Variants in MMP26 observed in about 807,000 individuals in gnomAD.
The protein encoded by MMP26 is matrix metalloproteinase-26.
MMP26 carries 33 observed loss-of-function variants against 31.0 expected under a neutral mutation model. The ratio of observed to expected loss-of-function variants is 1.06; its 90% CI spans 0.81 to 1.42. The LOEUF is 1.42. MMP26 is among the 40% of genes most tolerant of loss of function. MMP26 has a pLI of 0.00. For missense variants in MMP26, 347 were observed against 316.1 expected (o/e 1.10, Z -0.74); for synonymous variants, 122 against 114.9 (o/e 1.06, Z -0.40).
chr11:4,802,879 C>T (rs1849202327), intron 2 of MMP26, among the ~76,000 whole-genome samples: 1 of 152,092 alleles, frequency 6.6e-6, no homozygotes, highest in South Asian at 2.1e-4. Context: ...AGTTAAATGG[C>T]ACCTGATATT....
intron 2 of MMP26, among the ~76,000 whole-genome samples, chr11:4,852,409 T>G (rs535058350): frequency 2.1e-4 from 32 of 152,142 alleles, no homozygotes; most frequent in Non-Finnish European, 3.7e-4. Flanking sequence ...CAAGCACATA[T>G]AGAATTTTCT....
intron 2 of MMP26, among the ~76,000 whole-genome samples, chr11:4,810,313 T>A (rs61880858): frequency 0.41 from 62,910 of 151,888 alleles, 14,324 homozygotes; most frequent in South Asian, 0.57. Flanking sequence ...GATATGTAAG[T>A]CGAGTCGATG....
intron 1 of MMP26, among the ~76,000 whole-genome samples, chr11:4,749,615 A>G (rs1186660975): frequency 6.6e-6 from 1 of 152,146 alleles, no homozygotes. Flanking sequence ...GAACCCAGAA[A>G]TAAAGCCACA....
intron 2 of MMP26, among the ~76,000 whole-genome samples, chr11:4,898,680 T>C (rs1850748910): frequency 6.6e-6 from 1 of 152,176 alleles, no homozygotes; most frequent in African/African-American, 2.4e-5. Context: ...CTCAAAAGTG[T>C]CCATAGGTAT....
intron 2 of MMP26, among the ~76,000 whole-genome samples, chr11:4,874,604 G>T (rs919781253): frequency 2.7e-5 from 4 of 147,488 alleles, no homozygotes; most frequent in African/African-American, 1.0e-4. Flanking sequence ...TTAACTGGGA[G>T]ACCCTTTCTG....
chr11:4,963,352 A>G (rs1846546919), intron 2 of MMP26, among the ~76,000 whole-genome samples: 1 of 152,216 alleles, frequency 6.6e-6, no homozygotes, highest in South Asian at 2.1e-4. Context: ...TCAAGCTACC[A>G]TTGACTTTCT....
chr11:4,898,968 T>C (rs1234979180), intron 2 of MMP26, among the ~76,000 whole-genome samples: 1 of 151,908 alleles, frequency 6.6e-6, no homozygotes, highest in Non-Finnish European at 1.5e-5. Flanking sequence ...TTGAGGCCTC[T>C]GTCAGTGCTA....
chr11:4,754,331 A>G (rs925832604), intron 1 of MMP26, among the ~76,000 whole-genome samples: 13 of 151,940 alleles, frequency 8.6e-5, no homozygotes, highest in Non-Finnish European at 1.5e-4. Context: ...AATGTGGGAC[A>G]GATATCTATA....
chr11:4,848,384 G>A (rs1327838310), intron 2 of MMP26: 1 of 1,613,972 alleles, frequency 6.2e-7, no homozygotes, highest in Non-Finnish European at 8.5e-7. Flanking sequence ...TATGCTGAGT[G>A]ATTGGCAGCT....
At chr11:4,816,267 A>G (rs937066746) in intron 2 of MMP26, among the ~76,000 whole-genome samples, 2 of 152,100 alleles carry the variant, frequency 1.3e-5, no homozygotes, top group African/African-American at 4.8e-5. Flanking sequence ...ATTAGTTAAG[A>G]CTCGTTCTGT....
intron 2 of MMP26, among the ~76,000 whole-genome samples, chr11:4,795,693 C>T (rs1233845212): frequency 1.3e-5 from 2 of 152,096 alleles, no homozygotes; most frequent in Admixed American, 1.3e-4. Flanking sequence ...ACATAAAAGT[C>T]AATTACATCT....
At chr11:4,971,999 G>T (rs544132964) in intron 2 of MMP26, among the ~76,000 whole-genome samples, 5 of 152,176 alleles carry the variant, frequency 3.3e-5, no homozygotes, top group Non-Finnish European at 7.4e-5. Flanking sequence ...TCCACACTAG[G>T]CCCCATCTCC....
At chr11:4,840,466 T>TG (rs1461123067) in intron 2 of MMP26, among the ~76,000 whole-genome samples, 14 of 152,230 alleles carry the variant, frequency 9.2e-5, no homozygotes, top group African/African-American at 3.4e-4. Context: ...TAGATTCATG[T>TG]GGCTCAGAAC....
chr11:4,920,605 T>C (rs1350449402), intron 2 of MMP26, among the ~76,000 whole-genome samples: 2 of 152,142 alleles, frequency 1.3e-5, no homozygotes, highest in Non-Finnish European at 2.9e-5. Flanking sequence ...ATCATATAAT[T>C]AAATGCAAAG....
intron 2 of MMP26, among the ~76,000 whole-genome samples, chr11:4,961,876 A>G (rs1333808132): frequency 2.0e-5 from 3 of 152,204 alleles, no homozygotes; most frequent in African/African-American, 4.8e-5. Context: ...GCAGTAATCA[A>G]TGAAAAACAG....
At chr11:4,714,452 A>T (rs2133268382) in intron 1 of MMP26, among the ~76,000 whole-genome samples, 1 of 152,266 alleles carries the variant, frequency 6.6e-6, no homozygotes, top group South Asian at 2.1e-4. Flanking sequence ...CGTCACACAC[A>T]CTGCCACTGC....
At chr11:4,981,800 T>TTATAGTATAAAAGTATAA (rs1846817104) in intron 2 of MMP26, among the ~76,000 whole-genome samples, 1 of 151,964 alleles carries the variant, frequency 6.6e-6, no homozygotes, top group Non-Finnish European at 1.5e-5. Flanking sequence ...TTCTATAAGC[T>TTATAGTATAAAAGTATAA]TTTTATACTT....
chr11:4,724,874 A>G (rs1848074880), intron 1 of MMP26, among the ~76,000 whole-genome samples: 1 of 152,252 alleles, frequency 6.6e-6, no homozygotes, highest in Admixed American at 6.5e-5. Context: ...TAAAGAATTA[A>G]AAAAGTTATT....
chr11:4,855,768 T>A (rs1269367281), intron 2 of MMP26, among the ~76,000 whole-genome samples: 1 of 152,110 alleles, frequency 6.6e-6, no homozygotes, highest in Admixed American at 6.5e-5. Flanking sequence ...GACACATAAC[T>A]GTCAGATTCA....
Sources: allele counts gnomAD v4.1 joint callset (sites outside exome capture counted in the v4.1 genomes callset), GRCh38; gene constraint gnomAD v4.1.1; transcripts MANE v1.5; gene names NCBI Gene and HGNC (gene_info 2026-07-23, HGNC 2026-07-21).